MIPOL1: variants seen among roughly 807,000 people sequenced by gnomAD.
MIPOL1 encodes mirror-image polydactyly gene 1 protein.
In MIPOL1, 57 loss-of-function variants were observed where a neutral mutation model predicts 60.9. That is an observed-to-expected ratio of 0.94 (90% CI 0.76 to 1.17). The LOEUF is 1.17. MIPOL1 is among the 50% of genes most tolerant of loss of function. MIPOL1 has a pLI of 0.00. For synonymous variants in MIPOL1, 179 were observed against 168.8 expected (o/e 1.06, Z -0.47); for missense variants, 551 against 511.6 (o/e 1.08, Z -0.74).
chr14:37,364,776 T>A (rs2092414178), intron 9 of MIPOL1, among the ~76,000 whole-genome samples: 1 of 152,192 alleles, frequency 6.6e-6, no homozygotes, highest in Non-Finnish European at 1.5e-5. Flanking sequence ...ATTGTTATTT[T>A]GATAGAGATT....
chr14:37,304,587 A>G (rs1173066663), intron 7 of MIPOL1, among the ~76,000 whole-genome samples: 1 of 151,798 alleles, frequency 6.6e-6, no homozygotes, highest in Non-Finnish European at 1.5e-5. Flanking sequence ...ACAAATAAGA[A>G]TTTTCAGAAA....
intron 10 of MIPOL1, among the ~76,000 whole-genome samples, chr14:37,417,624 A>C (rs867933811): frequency 1.3e-5 from 2 of 152,252 alleles, no homozygotes; most frequent in Middle Eastern, 3.4e-3. Flanking sequence ...TAGGTTCTTA[A>C]CCTTCTTCTG....
chr14:37,316,409 C>T (rs1263325800), intron 9 of MIPOL1, among the ~76,000 whole-genome samples: 1 of 151,982 alleles, frequency 6.6e-6, no homozygotes, highest in African/African-American at 2.4e-5. Flanking sequence ...TAGATTTGAT[C>T]ACATGGATGA....
chr14:37,330,772 T>C (rs1307813511), intron 9 of MIPOL1, among the ~76,000 whole-genome samples: 1 of 151,524 alleles, frequency 6.6e-6, no homozygotes, highest in Non-Finnish European at 1.5e-5. Context: ...TACCCTGTCC[T>C]TCTTTTACCA....
At chr14:37,443,457 C>CAAAA (rs3062712) in intron 11 of MIPOL1, among the ~76,000 whole-genome samples, 5 of 45,454 alleles carry the variant, frequency 1.1e-4, no homozygotes, top group Admixed American at 3.1e-4. Flanking sequence ...ACTATCTCAC[C>CAAAA]AAAAAAAAAA....
intron 10 of MIPOL1, among the ~76,000 whole-genome samples, chr14:37,406,235 T>C (rs1295780965): frequency 6.6e-6 from 1 of 152,130 alleles, no homozygotes; most frequent in Non-Finnish European, 1.5e-5. Flanking sequence ...TAATTGATGT[T>C]GAAATGGTAT....
chr14:37,421,634 TAACTATA>T (rs2093874528), intron 10 of MIPOL1, among the ~76,000 whole-genome samples: 2 of 152,224 alleles, frequency 1.3e-5, no homozygotes, highest in African/African-American at 4.8e-5. Flanking sequence ...ATCTTAAATT[TAACTATA>T]AAGTAACACT....
chr14:37,355,979 C>A (rs1256452458), intron 9 of MIPOL1, among the ~76,000 whole-genome samples: 2 of 144,434 alleles, frequency 1.4e-5, no homozygotes, highest in African/African-American at 5.0e-5. Flanking sequence ...GGAGGAGAGG[C>A]GCTCTGCTTT....
chr14:37,546,776 C>A, intron 12 of MIPOL1, 129 bp from the exon 13 acceptor site: 1 of 715,240 alleles, frequency 1.4e-6, no homozygotes, highest in Non-Finnish European at 2.4e-6. Context: ...CACAGTAATG[C>A]TTTGTTTCTT....
intron 10 of MIPOL1, chr14:37,396,982 G>A (rs2093383394): frequency 6.6e-6 from 1 of 152,080 alleles, no homozygotes; most frequent in Admixed American, 6.6e-5. Flanking sequence ...TCAGGTAAAT[G>A]AGGGATTTCT....
chr14:37,411,371 G>C (rs1443968091), intron 10 of MIPOL1, among the ~76,000 whole-genome samples: 1 of 152,004 alleles, frequency 6.6e-6, no homozygotes, highest in East Asian at 1.9e-4. Flanking sequence ...ACCTGTTCTA[G>C]AAAAGCGTGT....
chr14:37,222,286 A>G (rs573003847), intron 1 of MIPOL1, among the ~76,000 whole-genome samples: 2 of 151,638 alleles, frequency 1.3e-5, no homozygotes, highest in Admixed American at 1.3e-4. Flanking sequence ...GCGGTGGCAC[A>G]ATCACAACTC....
At chr14:37,500,658 C>T (rs2095203077) in intron 12 of MIPOL1, among the ~76,000 whole-genome samples, 1 of 152,132 alleles carries the variant, frequency 6.6e-6, no homozygotes, top group Non-Finnish European at 1.5e-5. Flanking sequence ...ATGATCTTTG[C>T]ATTTTTATTA....
intron 12 of MIPOL1, among the ~76,000 whole-genome samples, chr14:37,535,325 A>G (rs909063415): frequency 3.9e-5 from 6 of 152,202 alleles, no homozygotes; most frequent in Non-Finnish European, 8.8e-5. Context: ...ACAGTTGAAT[A>G]TACACATATC....
chr14:37,437,474 A>G (rs2153563713), intron 11 of MIPOL1, among the ~76,000 whole-genome samples: 1 of 152,306 alleles, frequency 6.6e-6, no homozygotes, highest in East Asian at 1.9e-4. Flanking sequence ...AGAAAGTTGG[A>G]CGCACTGTTC....
At chr14:37,337,809 A>G (rs983838247) in intron 9 of MIPOL1, among the ~76,000 whole-genome samples, 2 of 151,976 alleles carry the variant, frequency 1.3e-5, no homozygotes, top group African/African-American at 2.4e-5. Flanking sequence ...ATAATTTGCA[A>G]AATTTTCTCC....
intron 7 of MIPOL1, among the ~76,000 whole-genome samples, chr14:37,294,439 A>G (rs2085417246): frequency 6.6e-6 from 1 of 152,190 alleles, no homozygotes; most frequent in African/African-American, 2.4e-5. Flanking sequence ...CTCACCAGCA[A>G]CAGAACAAAG....
intron 10 of MIPOL1, among the ~76,000 whole-genome samples, chr14:37,421,335 A>G (rs912537058): frequency 2.0e-5 from 3 of 152,044 alleles, no homozygotes; most frequent in African/African-American, 7.2e-5. Flanking sequence ...AATCTCTATT[A>G]CCCGTTCAGT....
At chr14:37,508,831 AT>A (rs769991500) in intron 12 of MIPOL1, among the ~76,000 whole-genome samples, 3 of 151,910 alleles carry the variant, frequency 2.0e-5, no homozygotes, top group Non-Finnish European at 2.9e-5. Context: ...TTATTTTAGG[AT>A]TTTTTTTAAG....
Sources: allele counts gnomAD v4.1 joint callset (sites outside exome capture counted in the v4.1 genomes callset), GRCh38; gene constraint gnomAD v4.1.1; transcripts MANE v1.5; gene names NCBI Gene and HGNC (gene_info 2026-07-23, HGNC 2026-07-21).